Variants in ZMAT4 observed in about 807,000 individuals in gnomAD.
The protein encoded by ZMAT4 is zinc finger matrin-type 4, also known as zinc finger matrin-type protein 4.
Under a neutral mutation model 28.7 loss-of-function variants are expected in ZMAT4, and 17 were observed. That is an observed-to-expected ratio of 0.59 (90% confidence interval 0.41 to 0.89). The LOEUF (loss-of-function observed/expected upper bound fraction) is 0.89, where lower values mean the gene tolerates loss of function less well. ZMAT4 is among the 40% of genes least tolerant of loss of function. The pLI, the probability that ZMAT4 is intolerant of heterozygous loss-of-function variation, is 0.00. For missense variants in ZMAT4, 240 were observed against 283.8 expected (o/e 0.85, Z 1.11); for synonymous variants, 117 against 109.2 (o/e 1.07, Z -0.44).
chr8:40,583,586 C>G (rs1804564867), intron 5 of ZMAT4, among the ~76,000 whole-genome samples: 1 of 152,154 alleles, frequency 6.6e-6, no homozygotes, highest in Non-Finnish European at 1.5e-5. Context: ...AGACAGGTCT[C>G]AATCAATTTC....
chr8:40,557,785 A>C (rs780619639), intron 6 of ZMAT4, among the ~76,000 whole-genome samples: 25 of 152,186 alleles, frequency 1.6e-4, no homozygotes, highest in Non-Finnish European at 3.2e-4. Context: ...CAAGACCCAG[A>C]AAAGCCATAC....
chr8:40,687,999 A>C (rs1809490443), intron 4 of ZMAT4, among the ~76,000 whole-genome samples: 1 of 152,150 alleles, frequency 6.6e-6, no homozygotes, highest in Non-Finnish European at 1.5e-5. Context: ...CCAAAGACTT[A>C]CTGATTTCTA....
chr8:40,719,255 AT>A (rs1810978517), intron 3 of ZMAT4, among the ~76,000 whole-genome samples: 1 of 152,132 alleles, frequency 6.6e-6, no homozygotes, highest in East Asian at 1.9e-4. Context: ...CCTGGCCAAC[AT>A]AGTAAAACCC....
chr8:40,732,919 T>C (rs1157274518), intron 3 of ZMAT4, among the ~76,000 whole-genome samples: 1 of 148,286 alleles, frequency 6.7e-6, no homozygotes, highest in Admixed American at 6.8e-5. Context: ...GATCATAGCT[T>C]ACTGCATCTT....
intron 1 of ZMAT4, among the ~76,000 whole-genome samples, chr8:40,881,599 A>AAGGAAAGAAAG (rs1818271599): frequency 1.3e-5 from 1 of 78,204 alleles, no homozygotes; most frequent in Non-Finnish European, 2.7e-5. Context: ...AGAAAGAAAG[A>AAGGAAAGAAAG]AAAGAAAAGA....
chr8:40,803,056 C>A (rs951690419), intron 2 of ZMAT4, among the ~76,000 whole-genome samples: 9 of 152,156 alleles, frequency 5.9e-5, no homozygotes, highest in African/African-American at 2.2e-4. Flanking sequence ...ACCTTACATT[C>A]TCCACAAAAA....
intron 3 of ZMAT4, among the ~76,000 whole-genome samples, chr8:40,750,639 C>T (rs1812418672): frequency 6.6e-6 from 1 of 152,052 alleles, no homozygotes; most frequent in Admixed American, 6.6e-5. Flanking sequence ...CAAAGAAATC[C>T]ATCTATCAGG....
At chr8:40,609,956 G>T (rs1805735296) in intron 5 of ZMAT4, among the ~76,000 whole-genome samples, 1 of 152,258 alleles carries the variant, frequency 6.6e-6, no homozygotes, top group South Asian at 2.1e-4. Flanking sequence ...CCTTTATTCT[G>T]TCCTGATATA....
chr8:40,597,244 G>A (rs1210074894), intron 5 of ZMAT4, among the ~76,000 whole-genome samples: 4 of 152,216 alleles, frequency 2.6e-5, no homozygotes. Flanking sequence ...GACAATGTGA[G>A]GACTTGCAGG....
At chr8:40,729,492 C>T (rs1427622468) in intron 3 of ZMAT4, among the ~76,000 whole-genome samples, 1 of 152,176 alleles carries the variant, frequency 6.6e-6, no homozygotes, top group Non-Finnish European at 1.5e-5. Context: ...AGTAGTTATA[C>T]ACATGTTCTA....
chr8:40,777,785 C>A (rs975360215), intron 2 of ZMAT4, among the ~76,000 whole-genome samples: 1 of 152,176 alleles, frequency 6.6e-6, no homozygotes, highest in African/African-American at 2.4e-5. Flanking sequence ...CTCAGACAAC[C>A]CCAATAAGGT....
chr8:40,684,583 G>A (rs1001469924), intron 4 of ZMAT4, among the ~76,000 whole-genome samples: 3 of 152,200 alleles, frequency 2.0e-5, no homozygotes, highest in African/African-American at 7.2e-5. Context: ...TCCATACCCC[G>A]TGCTCAGGGT....
At chr8:40,591,229 A>G (rs1404217516) in intron 5 of ZMAT4, among the ~76,000 whole-genome samples, 1 of 152,220 alleles carries the variant, frequency 6.6e-6, no homozygotes, top group Non-Finnish European at 1.5e-5. Flanking sequence ...AAGGTGGTGT[A>G]GGTAAAGAGA....
rs559072785 is a variant in ZMAT4, at chr8:40,855,507, A to G, written c.-4-29827T>C. On this transcript the variant is annotated intron_variant, in intron 1 of 6. Coordinates refer to ENST00000297737, the MANE Select transcript of ZMAT4 (RefSeq NM_024645.3). ...ACCAAAGTGTTCCACTAGGTAGCCA[A>G]TGCCCCTGGATCGAATCCAAACCAG... Among the ~76,000 whole-genome samples, 5 of 152,222 alleles carry G rather than the reference A, an allele frequency of 3.3e-5. No individual in the cohort carries two copies. In the East Asian group the frequency reaches 9.7e-4, roughly 29 times the overall value.
At chr8:40,574,634 A>C (rs761688866) in intron 6 of ZMAT4, among the ~76,000 whole-genome samples, 1 of 152,206 alleles carries the variant, frequency 6.6e-6, no homozygotes, top group African/African-American at 2.4e-5. Flanking sequence ...ACAGCAAAAA[A>C]TTGGCAAAAT....
chr8:40,859,468 A>ACG (rs1410691570), intron 1 of ZMAT4, among the ~76,000 whole-genome samples: 2 of 149,526 alleles, frequency 1.3e-5, no homozygotes, highest in Non-Finnish European at 3.0e-5. Flanking sequence ...ACACACACAC[A>ACG]CACATGCACA....
intron 4 of ZMAT4, among the ~76,000 whole-genome samples, chr8:40,675,513 A>G (rs936563673): frequency 5.9e-5 from 9 of 152,222 alleles, no homozygotes; most frequent in Admixed American, 6.5e-5. Context: ...CTAAAAATAA[A>G]TATTGGATAA....
chr8:40,668,996 T>C (rs1808559987), intron 5 of ZMAT4, among the ~76,000 whole-genome samples: 1 of 151,928 alleles, frequency 6.6e-6, no homozygotes, highest in Non-Finnish European at 1.5e-5. Context: ...ATTTAGCCCA[T>C]AGGTCAGGGG....
chr8:40,791,415 G>A (rs936603201), intron 2 of ZMAT4, among the ~76,000 whole-genome samples: 7 of 152,210 alleles, frequency 4.6e-5, no homozygotes, highest in African/African-American at 1.4e-4. Flanking sequence ...AAACTACACT[G>A]AGAGAGTAAT....
Sources: allele counts gnomAD v4.1 joint callset (sites outside exome capture counted in the v4.1 genomes callset), GRCh38; gene constraint gnomAD v4.1.1; transcripts MANE v1.5; gene names NCBI Gene and HGNC (gene_info 2026-07-23, HGNC 2026-07-21).